The following PALM2AKAP2 variants were observed in gnomAD, a reference collection of about 807,000 sequenced individuals.
PALM2AKAP2 encodes PALM2-AKAP2 fusion protein.
In PALM2AKAP2, 37 loss-of-function variants were observed where a neutral mutation model predicts 71.5. The ratio of observed to expected loss-of-function variants is 0.52; its 90% CI spans 0.40 to 0.68. PALM2AKAP2 has a LOEUF of 0.68. Ranked by LOEUF, PALM2AKAP2 falls within the 30% of genes least tolerant of loss-of-function variation. The probability of loss-of-function intolerance (pLI) is 0.00; values close to 1 mark genes in which losing one functional copy is unlikely to be tolerated. For missense variants in PALM2AKAP2, 1,224 were observed against 1,191.8 expected (o/e 1.03, Z -0.40); for synonymous variants, 468 against 478.8 (o/e 0.98, Z 0.29).
chr9:109,780,735 A>G (rs1344673434), intron 1 of PALM2AKAP2, among the ~76,000 whole-genome samples: 2 of 152,046 alleles, frequency 1.3e-5, no homozygotes, highest in Non-Finnish European at 2.9e-5. Context: ...CTTTGGACTG[A>G]GGATTTGAAT....
intron 3 of PALM2AKAP2, among the ~76,000 whole-genome samples, chr9:109,892,190 T>C (rs998464538): frequency 6.6e-6 from 1 of 152,184 alleles, no homozygotes; most frequent in Non-Finnish European, 1.5e-5. Flanking sequence ...CCCCAGAGCA[T>C]CTAGAGGCAA....
At chr9:109,960,760 G>A (rs1332224243) in intron 6 of PALM2AKAP2, among the ~76,000 whole-genome samples, 3 of 152,184 alleles carry the variant, frequency 2.0e-5, no homozygotes, top group African/African-American at 7.2e-5. Flanking sequence ...GATTGGTATG[G>A]TGTGCAGGTA....
At chr9:110,033,026 T>G (rs1461297134) in intron 7 of PALM2AKAP2, among the ~76,000 whole-genome samples, 1 of 152,178 alleles carries the variant, frequency 6.6e-6, no homozygotes, top group Non-Finnish European at 1.5e-5. Context: ...CTTTTCAAAT[T>G]AATGTGAATA....
intron 1 of PALM2AKAP2, among the ~76,000 whole-genome samples, chr9:109,655,229 G>GCATGA: frequency 6.6e-6 from 1 of 151,100 alleles, no homozygotes; most frequent in Non-Finnish European, 1.5e-5. Context: ...CTGGGAGGTG[G>GCATGA]AGCTTGCACC....
At chr9:109,980,954 C>A (rs1832258024) in intron 6 of PALM2AKAP2, among the ~76,000 whole-genome samples, 1 of 152,232 alleles carries the variant, frequency 6.6e-6, no homozygotes, top group Non-Finnish European at 1.5e-5. Flanking sequence ...TGCCTCCCAG[C>A]TTCGTGGTTT....
At chr9:110,102,915 T>C (rs1313490533) in intron 1 of PALM2AKAP2, among the ~76,000 whole-genome samples, 1 of 152,076 alleles carries the variant, frequency 6.6e-6, no homozygotes, top group African/African-American at 2.4e-5. Context: ...TGCAGGACAG[T>C]TTTGTGTGTG....
rs994621645 is a variant in PALM2AKAP2 at position 110,142,068 on chromosome 9, C to CTTT, written c.2569+3548_2569+3550dup. ...AATTATCTTGTTGGTTCTTATTTTA[C>CTTT]TTTTTTTTTTTTTTTTTTTTTGAGG... On this transcript the variant is annotated intron_variant, in intron 2 of 3. Coordinates refer to ENST00000374525, the Ensembl canonical transcript of PALM2AKAP2. Among the ~76,000 whole-genome samples the CTTT allele has an allele frequency of 7.4e-4, 90 of 121,818 alleles. 4 individuals are homozygous for CTTT. Among genetic ancestry groups the CTTT allele is most frequent in the African/African-American group, 2.0e-3 (68 of 33,198 alleles). 79.9% of individuals were successfully genotyped at this position (121,818 alleles called of 152,430 possible).
chr9:109,842,706 T>G (rs1402906610), intron 1 of PALM2AKAP2, among the ~76,000 whole-genome samples: 1 of 151,268 alleles, frequency 6.6e-6, no homozygotes, highest in Non-Finnish European at 1.5e-5. Flanking sequence ...TGACAAGAAG[T>G]CGGCCCAAGA....
At chr9:109,738,458 T>C (rs1828670593) in intron 1 of PALM2AKAP2, among the ~76,000 whole-genome samples, 1 of 152,188 alleles carries the variant, frequency 6.6e-6, no homozygotes, top group African/African-American at 2.4e-5. Flanking sequence ...TACAAAAAGT[T>C]ACTAGAACCA....
intron 6 of PALM2AKAP2, among the ~76,000 whole-genome samples, chr9:109,984,202 T>C (rs1435753378): frequency 6.6e-6 from 1 of 152,204 alleles, no homozygotes; most frequent in East Asian, 1.9e-4. Flanking sequence ...TACAGTGAAG[T>C]ATATCTCTAG....
chr9:109,778,308 T>C (rs1829377420), upstream of PALM2AKAP2, among the ~76,000 whole-genome samples: 1 of 152,254 alleles, frequency 6.6e-6, no homozygotes, highest in Admixed American at 6.5e-5. Flanking sequence ...CCCAGCTCTA[T>C]AACTGTAGCT....
intron 1 of PALM2AKAP2, among the ~76,000 whole-genome samples, chr9:109,692,615 C>A (rs1827914991): frequency 6.6e-6 from 1 of 151,816 alleles, no homozygotes; most frequent in Non-Finnish European, 1.5e-5. Flanking sequence ...TCCTTCAACT[C>A]TTAGTTTGCT....
intron 1 of PALM2AKAP2, among the ~76,000 whole-genome samples, chr9:109,805,885 A>G (rs889201025): frequency 6.6e-6 from 1 of 152,228 alleles, no homozygotes; most frequent in Non-Finnish European, 1.5e-5. Flanking sequence ...ATGTTGCTTC[A>G]GATCAAACAT....
upstream of PALM2AKAP2, chr9:109,780,217 C>G: frequency 1.0e-6 from 1 of 990,598 alleles, no homozygotes; most frequent in Non-Finnish European, 1.2e-6. Context: ...CCTCGGCTGG[C>G]GCGGCCGGCG....
At chr9:109,785,834 G>A (rs958088748) in intron 1 of PALM2AKAP2, among the ~76,000 whole-genome samples, 1 of 152,222 alleles carries the variant, frequency 6.6e-6, no homozygotes, top group Non-Finnish European at 1.5e-5. Flanking sequence ...AGCCTTGGAA[G>A]GGTGCTTTGA....
chr9:109,958,063 T>A (rs1456356102), intron 6 of PALM2AKAP2, among the ~76,000 whole-genome samples: 1 of 152,084 alleles, frequency 6.6e-6, no homozygotes, highest in East Asian at 1.9e-4. Flanking sequence ...GAATAATACC[T>A]ACCTTGCAAG....
intron 7 of PALM2AKAP2, among the ~76,000 whole-genome samples, chr9:110,041,555 G>A (rs1044887355): frequency 5.9e-5 from 9 of 152,146 alleles, no homozygotes; most frequent in South Asian, 2.1e-4. Context: ...AGGGTTTGGC[G>A]GAGGAGAGGC....
intron 1 of PALM2AKAP2, among the ~76,000 whole-genome samples, chr9:109,741,733 A>G (rs1423100015): frequency 6.6e-6 from 1 of 152,226 alleles, no homozygotes. Context: ...TAGAAACATT[A>G]TAGGTCTTAG....
intron 3 of PALM2AKAP2, among the ~76,000 whole-genome samples, chr9:110,163,007 C>T (rs910155548): frequency 1.2e-4 from 19 of 152,250 alleles, no homozygotes; most frequent in African/African-American, 4.3e-4. Flanking sequence ...CCACTGTTCT[C>T]GGTCCCCAAA....
Sources: gnomAD v4.1 joint callset for allele counts (sites outside exome capture counted in the v4.1 genomes callset) on GRCh38, gnomAD v4.1.1 for gene constraint, MANE v1.5 for transcripts, NCBI Gene and HGNC (gene_info 2026-07-23, HGNC 2026-07-21) for gene names.